Variants in CNTROB observed in about 807,000 individuals in gnomAD.
CNTROB encodes centrobin.
Under a neutral mutation model 115.7 loss-of-function variants are expected in CNTROB, and 82 were observed. The ratio of observed to expected loss-of-function variants is 0.71; its 90% confidence interval spans 0.59 to 0.85. The LOEUF (loss-of-function observed/expected upper bound fraction) is 0.85, where lower values mean the gene tolerates loss of function less well. CNTROB is among the 40% of genes least tolerant of loss of function. The probability of loss-of-function intolerance (pLI) is 0.00; values close to 1 mark genes in which losing one functional copy is unlikely to be tolerated. For missense variants in CNTROB, 1,014 were observed against 1,144.4 expected, an observed-to-expected ratio of 0.89 and a Z score of 1.64; for synonymous variants, 439 against 456.4, an observed-to-expected ratio of 0.96 and a Z score of 0.49.
rs1972970739 is a variant in CNTROB at position 7,934,987 on chromosome 17, A to G, written c.438-2A>G. On this transcript the variant is annotated splice_acceptor_variant, in intron 3 of 18. Coordinates refer to ENST00000563694, the MANE Select transcript of CNTROB (RefSeq NM_053051.5). LOFTEE classifies it high-confidence loss of function. ...CTAACATTCTCTACCTGATTTGCTC[A>G]GCACCCGGCCCCTGCAAGACTTGTC... The G allele has an allele frequency of 6.3e-7, 1 of 1,577,432 alleles. No individual in the cohort carries two copies. The highest frequency in any genetic ancestry group is 1.4e-5 in the African/African-American group (1 of 73,346).
In CNTROB at chr17:7,943,519, T is replaced by C; in HGVS notation, c.1440T>C (p.His480=). The C allele has an allele frequency of 6.2e-7, 1 of 1,611,704 alleles. No homozygotes were observed. The highest frequency in any genetic ancestry group is 8.5e-7 in the Non-Finnish European group (1 of 1,178,370). ...GGCAAGCAGCCTCCCTCAGGGAACA[T>C]CACAGGTACGTGGGACTCACTGGGT... The part of the protein sequence containing the change: ...SLRQAASLRE[H]HRKQLQDLSG... Residue 480 remains histidine, a synonymous_variant, in exon 10 of 19, where the codon CAT becomes CAC. Transcript: ENST00000563694. The surrounding 1 kb of genome is among the most constrained non-coding windows in gnomAD (Gnocchi z 4.7).
rs1972999442 is a variant in CNTROB, at chr17:7,935,141, G to A, written c.590G>A (p.Arg197His). The A allele has an allele frequency of 8.7e-6, 14 of 1,614,006 alleles. No individual in the cohort carries two copies. Among genetic ancestry groups the A allele is most frequent in the South Asian group, 6.6e-5 (6 of 91,088 alleles). The change falls in exon 4 of 19, where the codon CGC becomes CAC. Residue 197 changes from arginine (R) to histidine (H), a missense_variant. Coordinates refer to ENST00000563694, the MANE Select transcript of CNTROB (RefSeq NM_053051.5). ...RDALDSEHTRRKHCERHIQSL... is the reference protein window; with the variant it reads ...RDALDSEHTRHKHCERHIQSL... ...GCATTGGATTCAGAGCATACCCGCC[G>A]CAAGGTAAGATGCAAACGCTTCCTT...
intron 4 of CNTROB, 28 bp from the exon 5 acceptor site, chr17:7,936,338 C>T (rs2151741472): frequency 1.1e-6 from 1 of 925,512 alleles, no homozygotes; most frequent in South Asian, 1.3e-5. Context: ...AGATGGGCAA[C>T]ACCCAGACTC....
In CNTROB at chr17:7,936,405, T is replaced by C; in HGVS notation, c.634T>C (p.Leu212=). The C allele has an allele frequency of 6.4e-7, 1 of 1,564,162 alleles. No individual in the cohort carries two copies. The highest frequency in any genetic ancestry group is 8.8e-7 in the Non-Finnish European group (1 of 1,134,416). ...RHIQSLQTRV[L]ELQQQLAVAV... is the part of the protein sequence containing the mutation. ...TATTCAGAGCCTGCAGACCCGAGTG[T>C]TAGAGCTACAGCAACAATTAGCCGT... The change falls in exon 5 of 19, where the codon TTA becomes CTA. Residue 212 remains leucine, a synonymous_variant. Transcript: ENST00000563694.
In CNTROB at chr17:7,933,217, G is replaced by A; in HGVS notation, c.138G>A (p.Arg46=). ...SQLYASLRLS[R]QAEATARAQL... ...TCTATGCTTCTTTGCGCCTCAGCCG[G>A]CAGGCGGAGGCCACGGCCCGAGCCC... The change falls in exon 1 of 19, where the codon CGG becomes CGA. Residue 46 remains arginine (R), a synonymous_variant. Coordinates refer to ENST00000563694, the MANE Select transcript of CNTROB (RefSeq NM_053051.5). The A allele has an allele frequency of 6.2e-7, 1 of 1,614,218 alleles. No individual in the cohort carries two copies. Among genetic ancestry groups the A allele is most frequent in the Non-Finnish European group, 8.5e-7 (1 of 1,180,040 alleles).
chr17:7,938,285 A>G (rs1043232176), intron 7 of CNTROB, among the ~76,000 whole-genome samples: 7 of 152,156 alleles, frequency 4.6e-5, no homozygotes, highest in Middle Eastern at 3.2e-3. Context: ...GATTACAGGC[A>G]TAAGCCACCA....
chr17:7,948,470 A>G lies in CNTROB; in HGVS notation c.2381-17A>G, dbSNP rs2151784437. The G allele has an allele frequency of 6.2e-7, 1 of 1,614,072 alleles. No individual in the cohort carries two copies. Among genetic ancestry groups the G allele is most frequent in the East Asian group, 2.2e-5 (1 of 44,870 alleles). ...AGGCCCTAGGATGACGCCTGTGATT[A>G]TTGCGATGTCTGTCAGGTGGAGATG... is the stretch of plus-strand genomic sequence containing the variant. On this transcript the variant is annotated splice_polypyrimidine_tract_variant and intron_variant, in intron 16 of 18. Coordinates refer to ENST00000563694, the MANE Select transcript of CNTROB (RefSeq NM_053051.5). This position sits in a 1 kb window ranked among gnomAD's most constrained non-coding sequence, Gnocchi z 4.4.
intron 13 of CNTROB, among the ~76,000 whole-genome samples, chr17:7,946,404 T>A (rs1974541169): frequency 6.7e-6 from 1 of 149,272 alleles, no homozygotes; most frequent in South Asian, 2.2e-4. Context: ...CCTCTAGACA[T>A]TTATAGAGAC....
chr17:7,942,787 ATTTTTTTTTTTTTTTTT>A (rs71159534), intron 9 of CNTROB, among the ~76,000 whole-genome samples: 2 of 35,784 alleles, frequency 5.6e-5, no homozygotes, highest in Non-Finnish European at 1.0e-4. Flanking sequence ...TACTCAGGGT[ATTTTTTTTTTTTTTTTT>A]TTTTTTTTTT....
At chr17:7,946,115 A>G (rs1190907939) in intron 13 of CNTROB, 129 bp downstream of exon 13, 5 of 801,194 alleles carry the variant, frequency 6.2e-6, no homozygotes, top group African/African-American at 3.4e-5. Context: ...GCAAGTTGCA[A>G]GGAGCAGAAA....
At chr17:7,941,034 G>A (rs773466224) in intron 9 of CNTROB, among the ~76,000 whole-genome samples, 1 of 152,138 alleles carries the variant, frequency 6.6e-6, no homozygotes, top group Non-Finnish European at 1.5e-5. Context: ...GCTGTAGTTC[G>A]CCGATCTCCA....
At chr17:7,937,392 C>T in intron 7 of CNTROB, 130 bp downstream of exon 7, 1 of 1,030,766 alleles carries the variant, frequency 9.7e-7, no homozygotes, top group Non-Finnish European at 1.4e-6. Context: ...AAGTGTGTTC[C>T]TTAGAACACT....
In CNTROB at chr17:7,948,075, A is replaced by T. The variant is rs1974767991; in HGVS notation, c.2210-82A>T. On this transcript the variant is annotated intron_variant, in intron 15 of 18. Transcript: ENST00000563694. The surrounding 1 kb of genome is among the most constrained non-coding windows in gnomAD (Gnocchi z 4.4). ...TTTTTAGGAGCTGGCAAAAGTAATA[A>T]AGCCTTATAAATGCTGGGTGGTGGG... is the stretch of plus-strand genomic sequence containing the variant. 8.1e-6 allele frequency: 13 copies of T among 1,599,452 alleles called. No individual in the cohort carries two copies. The South Asian group carries it at 1.4e-4, about 18-fold the overall frequency.
rs1020350210 is a variant in CNTROB, at chr17:7,948,220, A to C, written c.2273A>C (p.His758Pro). ...PQVPRIPPPV[H>P]KTKVPLAMAS... is the part of the protein sequence containing the mutation. ...GTGCCACGTATTCCACCGCCTGTCC[A>C]CAAAACCAAAGTTCCCTTAGCCATG... Residue 758 changes from histidine (H) to proline (P), a missense_variant, in exon 16 of 19, where the codon CAC becomes CCC. Physicochemically the swap from His to Pro is moderately conservative, Grantham distance 77. Transcript: ENST00000563694. The surrounding 1 kb of genome is among the most constrained non-coding windows in gnomAD (Gnocchi z 4.4). The C allele has an allele frequency of 6.2e-7, 1 of 1,614,152 alleles. No individual in the cohort carries two copies. The highest frequency in any genetic ancestry group is 8.5e-7 in the Non-Finnish European group (1 of 1,180,034).
chr17:7,942,596 CAAAA>C (rs377086554), intron 9 of CNTROB, among the ~76,000 whole-genome samples: 1,591 of 56,316 alleles, frequency 0.028, 8 homozygotes, highest in South Asian at 0.052. Context: ...GACTCCATCT[CAAAA>C]AAAAAAAAAA....
Position 7,939,709 on chromosome 17 carries a change from C to T in CNTROB, c.1124C>T (p.Ala375Val), listed in dbSNP as rs138511450. ...QEHQLKEHYQ[A>V]LQEESQAQLE... is the part of the protein sequence containing the mutation. ...CACCAGCTTAAGGAACACTACCAGG[C>T]GCTGCAGGAGGAGAGCCAGGCTCAG... is the stretch of plus-strand genomic sequence containing the variant. The change falls in exon 8 of 19, where the codon GCG becomes GTG. Residue 375 changes from alanine to valine, a missense_variant. Physicochemically the swap from Ala to Val is moderately conservative, Grantham distance 64. Transcript: ENST00000563694. This position sits in a 1 kb window ranked among gnomAD's most constrained non-coding sequence, Gnocchi z 4.4. The T allele has an allele frequency of 1.1e-4, 178 of 1,613,842 alleles. 1 individual carries two copies. The highest frequency in any genetic ancestry group is 1.4e-4 in the Non-Finnish European group (161 of 1,180,012).
At position 7,949,594 on chromosome 17, in the gene CNTROB, C is replaced by G. The variant is rs1461857763; in HGVS notation, c.*84C>G. ...TTAGTCTGTATCAGAGTCTCTGGCT[C>G]ATAGGAATTTGGAAAATAGAGGTTT... On this transcript the variant is annotated 3_prime_UTR_variant, in exon 19 of 19. Transcript: ENST00000563694. 2.9e-6 allele frequency: 4 copies of G among 1,385,602 alleles called. No individual in the cohort carries two copies. Among genetic ancestry groups the G allele is most frequent in the Non-Finnish European group, 3.8e-6 (4 of 1,050,872 alleles). 85.8% of individuals were successfully genotyped at this position (1,385,602 alleles called of 1,614,324 possible).
At position 7,936,703 on chromosome 17, in the gene CNTROB, C is replaced by T; in HGVS notation, c.714C>T (p.Thr238=). ...TCATCTTACTTGCCCTACCTAAGAC[C>T]CTGGCCCGTGTGGTGGAGGGCTGGA... ...KDTMIEQLDK[T]LARVVEGWNR... Residue 238 remains threonine, a splice_region_variant and synonymous_variant, in exon 6 of 19, where the codon ACC becomes ACT. Transcript: ENST00000563694. The T allele has an allele frequency of 7.2e-7, 1 of 1,386,740 alleles. No homozygotes were observed. The highest frequency in any genetic ancestry group is 1.0e-6 in the Non-Finnish European group (1 of 972,358). 85.9% of individuals were successfully genotyped at this position (1,386,740 alleles called of 1,614,324 possible).
In CNTROB at chr17:7,948,377, G is replaced by A. The variant is rs1432497346; in HGVS notation, c.2380+50G>A. ...GAAAAAAGGAGGGACAGTCCTGAGT[G>A]TGGATCCAGTACAGGCACTTACAGT... is the stretch of plus-strand genomic sequence containing the variant. On this transcript the variant is annotated intron_variant, in intron 16 of 18. Transcript: ENST00000563694. This position sits in a 1 kb window ranked among gnomAD's most constrained non-coding sequence, Gnocchi z 4.4. 2.5e-6 allele frequency: 4 copies of A among 1,610,296 alleles called. No homozygotes were observed. The highest frequency in any genetic ancestry group is 3.4e-6 in the Non-Finnish European group (4 of 1,176,662).
Sources: allele counts gnomAD v4.1 joint callset (sites outside exome capture counted in the v4.1 genomes callset), GRCh38; gene constraint gnomAD v4.1.1; non-coding constraint Gnocchi (gnomAD v3.1); transcripts MANE v1.5; gene names NCBI Gene and HGNC (gene_info 2026-07-23, HGNC 2026-07-21).